KCNH2: variants seen among roughly 807,000 people sequenced by gnomAD.
The protein encoded by KCNH2 is potassium voltage-gated channel subfamily H member 2, also known as voltage-gated inwardly rectifying potassium channel KCNH2.
In KCNH2, 35 loss-of-function variants were observed where a neutral mutation model predicts 95.9. The observed-to-expected ratio is 0.37, with a 90% CI of 0.28 to 0.48. The LOEUF is 0.48. KCNH2 is among the 20% of genes least tolerant of loss of function. The pLI is 0.99. For missense variants in KCNH2, 1,274 were observed against 1,702.9 expected, an observed-to-expected ratio of 0.75 and a Z score of 4.43; for synonymous variants, 786 against 754.7, an observed-to-expected ratio of 1.04 and a Z score of -0.68.
At chr7:150,965,272 G>A (rs747883610) in intron 2 of KCNH2, among the ~76,000 whole-genome samples, 5 of 152,046 alleles carry the variant, frequency 3.3e-5, no homozygotes, top group African/African-American at 1.2e-4. Flanking sequence ...CTTGGGGGCC[G>A]CTGTAGTCAT....
chr7:150,975,504 C>T (rs1373615331), intron 1 of KCNH2, among the ~76,000 whole-genome samples: 1 of 152,182 alleles, frequency 6.6e-6, no homozygotes, highest in African/African-American at 2.4e-5. Context: ...TTCTGCACAC[C>T]ACCCCCGCCC....
chr7:150,957,471 G>A lies in KCNH2; in HGVS notation c.948C>T (p.Leu316=). The A allele has an allele frequency of 1.2e-6, 2 of 1,613,936 alleles. No homozygotes were observed. The highest frequency in any genetic ancestry group is 8.5e-7 in the Non-Finnish European group (1 of 1,180,008). Residue 316 remains leucine, a synonymous_variant, in exon 5 of 15, where the codon CTC becomes CTT. Coordinates refer to ENST00000262186, the MANE Select transcript of KCNH2 (RefSeq NM_000238.4). ...CGAGGTCGGAGTCCGAGGTGGAGTT[G>A]AGCAAGCCGCTGCGCAGTGGGTGCA... ...GAMHPLRSGL[L]NSTSDSDLVR... is the part of the protein sequence containing the mutation.
chr7:150,953,922 T>C (rs1379111785), intron 5 of KCNH2, among the ~76,000 whole-genome samples: 3 of 152,178 alleles, frequency 2.0e-5, no homozygotes, highest in Non-Finnish European at 2.9e-5. Context: ...GGCTTTTGGG[T>C]TGGGGAGGCC....
intron 2 of KCNH2, among the ~76,000 whole-genome samples, chr7:150,963,538 T>C (rs1012660264): frequency 6.6e-6 from 1 of 152,108 alleles, no homozygotes; most frequent in African/African-American, 2.4e-5. Context: ...GCCTGGCTCA[T>C]GTGGCTAATG....
At chr7:150,957,941 C>T in intron 4 of KCNH2, 118 bp downstream of exon 4, 1 of 774,800 alleles carries the variant, frequency 1.3e-6, no homozygotes, top group East Asian at 3.0e-5. Context: ...ATGGGATTTC[C>T]ATCTCCCAGG....
At chr7:150,963,032 C>A (rs1801609256) in intron 2 of KCNH2, among the ~76,000 whole-genome samples, 1 of 152,224 alleles carries the variant, frequency 6.6e-6, no homozygotes, top group Non-Finnish European at 1.5e-5. Flanking sequence ...GACCCCCAGG[C>A]CCTCGCTCTG....
At chr7:150,957,572 G>C in intron 4 of KCNH2, 70 bp from the exon 5 acceptor site, 1 of 1,134,016 alleles carries the variant, frequency 8.8e-7, no homozygotes, top group Non-Finnish European at 1.3e-6. Flanking sequence ...CCCATAGATC[G>C]AGAGTGGAGA....
chr7:150,949,403 C>A, intron 9 of KCNH2: 2 of 928,598 alleles, frequency 2.2e-6, no homozygotes, highest in Non-Finnish European at 1.3e-6. Context: ...TGAATCAAAA[C>A]CAGCATTTTT....
At position 150,952,388 on chromosome 7, in the gene KCNH2, C is replaced by G. The variant is rs777891099; in HGVS notation, c.1557+37G>C. ...ACCTCCCACCACATTCCTGGCCTCT[C>G]CTCTCCCTACACCACCTGCCTCCTT... On this transcript the variant is annotated intron_variant, in intron 6 of 14. Coordinates refer to ENST00000262186, the MANE Select transcript of KCNH2 (RefSeq NM_000238.4). The surrounding 1 kb of genome is among the most constrained non-coding windows in gnomAD (Gnocchi z 7.3). 1 of 1,603,738 alleles carries G rather than the reference C, an allele frequency of 6.2e-7. No individual in the cohort carries two copies. The highest frequency in any genetic ancestry group is 1.1e-5 in the South Asian group (1 of 90,178).
At chr7:150,975,205 G>C (rs1801951610) in intron 1 of KCNH2, among the ~76,000 whole-genome samples, 1 of 151,990 alleles carries the variant, frequency 6.6e-6, no homozygotes, top group South Asian at 2.1e-4. Flanking sequence ...CAGGCCGCCA[G>C]CAGCCCGCCG....
chr7:150,949,945 G>C, intron 9 of KCNH2: 1 of 1,536,432 alleles, frequency 6.5e-7, no homozygotes, highest in Non-Finnish European at 8.8e-7. Flanking sequence ...GATCCTGAAG[G>C]GAAGGAGAAT....
At chr7:150,974,300 A>T (rs557623251) in intron 2 of KCNH2, among the ~76,000 whole-genome samples, 1 of 152,294 alleles carries the variant, frequency 6.6e-6, no homozygotes, top group East Asian at 1.9e-4. Context: ...CCTAAGGTAG[A>T]TAGGGGCCTG....
At chr7:150,949,306 C>A in intron 9 of KCNH2, 2 of 1,389,188 alleles carry the variant, frequency 1.4e-6, no homozygotes, top group Non-Finnish European at 1.9e-6. Flanking sequence ...CAGGACTACC[C>A]CAAACCCCAG....
intron 9 of KCNH2, 59 bp from the exon 10 acceptor site, chr7:150,949,108 G>GC: frequency 6.7e-7 from 1 of 1,494,328 alleles, no homozygotes; most frequent in South Asian, 1.2e-5. Context: ...CAGGCAGCAG[G>GC]CACCTTCTCC....
At position 150,962,896 on chromosome 7, in the gene KCNH2, C is replaced by T. The variant is rs1801605696; in HGVS notation, c.308-3160G>A. ...CACCCTGCCGCGTCGGCTGGGGCTT[C>T]GGTGAACTGCCACATCACCTGCTCC... On this transcript the variant is annotated intron_variant, in intron 2 of 14. Coordinates refer to ENST00000262186, the MANE Select transcript of KCNH2 (RefSeq NM_000238.4). The surrounding 1 kb of genome is among the most constrained non-coding windows in gnomAD (Gnocchi z 5.7). Among the ~76,000 whole-genome samples the T allele has an allele frequency of 6.6e-6, 1 of 152,134 alleles. No homozygotes were observed. The highest frequency in any genetic ancestry group is 1.5e-5 in the Non-Finnish European group (1 of 68,010).
rs116568934 is a variant in KCNH2 at position 150,974,399 on chromosome 7, C to G, written c.307+312G>C. On this transcript the variant is annotated intron_variant, in intron 2 of 14. Transcript: ENST00000262186. ...CATCCCAGCTCGGTCTAACTCTAGT[C>G]CAACTTGCTCTACGTGCCCACACCT... 0.01 allele frequency among the ~76,000 whole-genome samples: 1,580 copies of G among 152,320 alleles called. 24 individuals are homozygous for G. The highest frequency in any genetic ancestry group is 0.036 in the African/African-American group (1,494 of 41,580).
At chr7:150,967,782 C>A (rs1295171181) in intron 2 of KCNH2, among the ~76,000 whole-genome samples, 1 of 152,298 alleles carries the variant, frequency 6.6e-6, no homozygotes, top group East Asian at 1.9e-4. Context: ...AATTAAGTAT[C>A]TTTGTTGGAT....
intron 2 of KCNH2, among the ~76,000 whole-genome samples, chr7:150,971,793 G>C (rs1269852567): frequency 6.6e-6 from 1 of 152,014 alleles, no homozygotes; most frequent in South Asian, 2.1e-4. Context: ...GCTGAGCACG[G>C]TGGCAGGGAA....
Position 150,952,477 on chromosome 7 carries a change from A to G in KCNH2, c.1505T>C (p.Met502Thr), listed in dbSNP as rs867220128. 3.1e-6 allele frequency: 5 copies of G among 1,614,082 alleles called. No homozygotes were observed. The highest frequency in any genetic ancestry group is 4.2e-6 in the Non-Finnish European group (5 of 1,180,014). ...HYFKGWFLID[M>T]VAAIPFDLLI... is the part of the protein sequence containing the mutation. ...CAGGTCGAAGGGGATGGCGGCCACC[A>G]TGTCGATGAGGAACCAGCCCTTGAA... The change falls in exon 6 of 15, where the codon ATG becomes ACG. Residue 502 changes from methionine to threonine, a missense_variant. By Grantham distance (81) the Met-to-Thr change is moderately conservative. This residue lies in a region of KCNH2 where 147 missense variants were observed against 344.4 expected (regional missense o/e 0.43). Coordinates refer to ENST00000262186, the MANE Select transcript of KCNH2 (RefSeq NM_000238.4). This position sits in a 1 kb window ranked among gnomAD's most constrained non-coding sequence, Gnocchi z 7.3.
Sources: gnomAD v4.1 joint callset for allele counts (sites outside exome capture counted in the v4.1 genomes callset) on GRCh38, gnomAD v4.1.1 for gene constraint, gnomAD v4.1.1 regional missense constraint, Gnocchi (gnomAD v3.1) non-coding constraint, MANE v1.5 for transcripts, NCBI Gene and HGNC (gene_info 2026-07-23, HGNC 2026-07-21) for gene names.